Variants in PLA2G4A observed in about 807,000 individuals in gnomAD.
PLA2G4A encodes cytosolic phospholipase A2.
PLA2G4A carries 40 observed loss-of-function variants against 81.9 expected under a neutral mutation model. The observed-to-expected ratio is 0.49, with a 90% CI of 0.38 to 0.64. The LOEUF (loss-of-function observed/expected upper bound fraction) is 0.64. PLA2G4A is among the 30% of genes least tolerant of loss of function. The pLI, the probability that PLA2G4A is intolerant of heterozygous loss-of-function variation, is 0.00. For missense variants in PLA2G4A, 715 were observed against 905.1 expected (o/e 0.79, Z 2.69); for synonymous variants, 302 against 296.9 (o/e 1.02, Z -0.18).
chr1:186,869,196 A>T (rs1246663673), intron 2 of PLA2G4A, among the ~76,000 whole-genome samples: 1 of 152,060 alleles, frequency 6.6e-6, no homozygotes, highest in Non-Finnish European at 1.5e-5. Context: ...TACTGCTTTC[A>T]AGGCATCATT....
chr1:186,880,106 A>G (rs963450503), intron 3 of PLA2G4A, among the ~76,000 whole-genome samples: 1 of 151,988 alleles, frequency 6.6e-6, no homozygotes, highest in African/African-American at 2.4e-5. Flanking sequence ...CCTCACTTCA[A>G]TGTTTACTTG....
intron 8 of PLA2G4A, among the ~76,000 whole-genome samples, 166 bp from the exon 9 acceptor site, chr1:186,938,842 G>A (rs1201285938): frequency 1.3e-5 from 2 of 152,114 alleles, no homozygotes; most frequent in African/African-American, 4.8e-5. Context: ...ACTAGCTCCT[G>A]TCTGATTGAC....
intron 5 of PLA2G4A, among the ~76,000 whole-genome samples, chr1:186,901,922 T>G (rs1170403654): frequency 1.3e-5 from 2 of 152,158 alleles, no homozygotes; most frequent in African/African-American, 4.8e-5. Context: ...CTAATTTGTT[T>G]TACTAAAAAT....
chr1:186,884,415 A>G (rs975513056), intron 3 of PLA2G4A, among the ~76,000 whole-genome samples: 2 of 152,002 alleles, frequency 1.3e-5, no homozygotes, highest in African/African-American at 4.8e-5. Flanking sequence ...AGTTTGGCCA[A>G]GTTAGGAACT....
At chr1:186,986,334 G>T (rs901547748) in intron 17 of PLA2G4A, among the ~76,000 whole-genome samples, 2 of 152,104 alleles carry the variant, frequency 1.3e-5, no homozygotes, top group African/African-American at 4.8e-5. Context: ...AGCTTTTTAG[G>T]TGTTTAGAAA....
chr1:186,867,066 AT>A (rs1165038520), intron 2 of PLA2G4A, among the ~76,000 whole-genome samples: 4 of 151,014 alleles, frequency 2.6e-5, no homozygotes, highest in East Asian at 1.9e-4. Context: ...TTTTGTTTGT[AT>A]TTTTTTTATT....
chr1:186,838,235 T>C (rs1651859192), intron 1 of PLA2G4A, among the ~76,000 whole-genome samples: 1 of 152,182 alleles, frequency 6.6e-6, no homozygotes, highest in East Asian at 1.9e-4. Flanking sequence ...GCAACATGTT[T>C]AAATGCTAAG....
intron 3 of PLA2G4A, among the ~76,000 whole-genome samples, chr1:186,885,837 T>C (rs1350514579): frequency 6.6e-6 from 1 of 151,982 alleles, no homozygotes; most frequent in Non-Finnish European, 1.5e-5. Context: ...AAAATAAGTC[T>C]ATAGAAAATA....
chr1:186,843,960 G>C (rs1278378912), intron 1 of PLA2G4A, among the ~76,000 whole-genome samples: 1 of 152,162 alleles, frequency 6.6e-6, no homozygotes, highest in African/African-American at 2.4e-5. Context: ...ATACAAATTT[G>C]ATAGATTAAG....
chr1:186,956,628 C>G (rs1390129925), intron 14 of PLA2G4A, among the ~76,000 whole-genome samples: 1 of 152,088 alleles, frequency 6.6e-6, no homozygotes, highest in Non-Finnish European at 1.5e-5. Context: ...ATCCTCCTGC[C>G]TCAGCTTCCT....
At chr1:186,911,668 CAG>C (rs1406254770) in intron 7 of PLA2G4A, among the ~76,000 whole-genome samples, 1 of 152,072 alleles carries the variant, frequency 6.6e-6, no homozygotes, top group African/African-American at 2.4e-5. Flanking sequence ...GCCAAAAGCA[CAG>C]AGAGTTCCAA....
chr1:186,944,603 C>CATAT (rs1191961702), intron 10 of PLA2G4A, among the ~76,000 whole-genome samples: 2 of 152,124 alleles, frequency 1.3e-5, no homozygotes, highest in South Asian at 4.1e-4. Flanking sequence ...TTGGCTTTGA[C>CATAT]ATATAATGAA....
intron 1 of PLA2G4A, among the ~76,000 whole-genome samples, chr1:186,841,903 T>C (rs1278156261): frequency 6.6e-6 from 1 of 150,828 alleles, no homozygotes; most frequent in East Asian, 2.0e-4. Context: ...TTCGTTTATG[T>C]AGAATGTGTG....
At chr1:186,988,334 T>C (rs767052700) in intron 17 of PLA2G4A, 43 bp from the exon 18 acceptor site, 3 of 1,520,280 alleles carry the variant, frequency 2.0e-6, no homozygotes, top group East Asian at 2.3e-5. Flanking sequence ...TATAAATGAG[T>C]TCATAGCAGC....
At chr1:186,947,031 G>C (rs1318699972) in intron 12 of PLA2G4A, 70 bp downstream of exon 12, 4 of 850,338 alleles carry the variant, frequency 4.7e-6, no homozygotes, top group Non-Finnish European at 8.1e-6. Context: ...CATATATAGA[G>C]AGAATATTAA....
At chr1:186,901,870 G>T (rs1209114779) in intron 5 of PLA2G4A, among the ~76,000 whole-genome samples, 1 of 152,112 alleles carries the variant, frequency 6.6e-6, no homozygotes, top group African/African-American at 2.4e-5. Context: ...CAATTATCCT[G>T]AAATCTTGGG....
chr1:186,879,799 A>AT (rs899467801), intron 3 of PLA2G4A, among the ~76,000 whole-genome samples: 10 of 149,272 alleles, frequency 6.7e-5, no homozygotes, highest in African/African-American at 2.4e-4. Flanking sequence ...CTTTATTTTA[A>AT]TTTTTTTATT....
intron 3 of PLA2G4A, among the ~76,000 whole-genome samples, chr1:186,885,113 C>T (rs371466866): frequency 5.3e-5 from 8 of 152,052 alleles, no homozygotes; most frequent in African/African-American, 1.4e-4. Context: ...TTTTGAGAAG[C>T]CAAGTTCCTT....
intron 3 of PLA2G4A, among the ~76,000 whole-genome samples, chr1:186,891,981 C>T (rs1654159794): frequency 6.6e-6 from 1 of 152,058 alleles, no homozygotes; most frequent in South Asian, 2.1e-4. Flanking sequence ...GGATATAAGC[C>T]ATTTTATCCA....
Sources: allele counts gnomAD v4.1 joint callset (sites outside exome capture counted in the v4.1 genomes callset), GRCh38; gene constraint gnomAD v4.1.1; transcripts MANE v1.5; gene names NCBI Gene and HGNC (gene_info 2026-07-23, HGNC 2026-07-21).